Variants in PDE3B observed in about 807,000 individuals in gnomAD.
PDE3B encodes the protein phosphodiesterase 3B.
PDE3B carries 66 observed loss-of-function variants against 116.8 expected under a neutral mutation model. The ratio of observed to expected loss-of-function variants is 0.56; its 90% CI spans 0.46 to 0.69. The LOEUF is 0.69. Ranked by LOEUF, PDE3B falls within the 30% of genes least tolerant of loss-of-function variation. PDE3B has a pLI of 0.00. For missense variants in PDE3B, 1,384 were observed against 1,368.1 expected (o/e 1.01, Z -0.18); for synonymous variants, 595 against 533.6 (o/e 1.12, Z -1.59).
At chr11:14,798,642 C>T (rs1406532806) in intron 4 of PDE3B, among the ~76,000 whole-genome samples, 1 of 152,178 alleles carries the variant, frequency 6.6e-6, no homozygotes, top group Non-Finnish European at 1.5e-5. Flanking sequence ...GATTCGACTT[C>T]TTCCTGGTTT....
At chr11:14,734,744 C>A (rs977244266) in intron 1 of PDE3B, among the ~76,000 whole-genome samples, 1 of 151,982 alleles carries the variant, frequency 6.6e-6, no homozygotes, top group African/African-American at 2.4e-5. Flanking sequence ...ATCTGTATAT[C>A]CTCTGTCTTA....
At chr11:14,783,391 A>G (rs188566488) in intron 2 of PDE3B, among the ~76,000 whole-genome samples, 48 of 152,372 alleles carry the variant, frequency 3.2e-4, no homozygotes, top group Non-Finnish European at 6.6e-4. Context: ...TGGATTAAGA[A>G]AAAGTGGTAC....
the PDE3B span, among the ~76,000 whole-genome samples, chr11:14,898,218 T>C: frequency 6.6e-6 from 1 of 151,956 alleles, no homozygotes; most frequent in Non-Finnish European, 1.5e-5. Context: ...AGCTTTTGTC[T>C]ACGGAAACAC....
rs1853271177 is a variant in PDE3B, at chr11:14,643,953, C to G, written c.-123C>G. 7.5e-7 allele frequency: 1 copy of G among 1,335,038 alleles called. No homozygotes were observed. Among genetic ancestry groups the G allele is most frequent in the Non-Finnish European group, 9.6e-7 (1 of 1,043,010 alleles). 82.7% of individuals were successfully genotyped at this position (1,335,038 alleles called of 1,614,324 possible). ...GGACCCCGGGCCGTGGCGGCCGGCG[C>G]AGCCCTGACGGGTTGCGAACCAGGG... is the stretch of plus-strand genomic sequence containing the variant. On this transcript the variant is annotated 5_prime_UTR_variant, in exon 1 of 16. Transcript: ENST00000282096.
intron 1 of PDE3B, among the ~76,000 whole-genome samples, chr11:14,756,703 A>T (rs1453159665): frequency 6.6e-6 from 1 of 152,168 alleles, no homozygotes; most frequent in Non-Finnish European, 1.5e-5. Context: ...GATTACTTGT[A>T]TGGTAATAGC....
intron 12 of PDE3B, among the ~76,000 whole-genome samples, chr11:14,857,176 G>A (rs1003583173): frequency 1.3e-5 from 2 of 152,156 alleles, no homozygotes; most frequent in African/African-American, 4.8e-5. Flanking sequence ...GTAGAGAGAA[G>A]GATCTATAGC....
intron 1 of PDE3B, among the ~76,000 whole-genome samples, chr11:14,767,377 T>A (rs1183818490): frequency 4.0e-5 from 6 of 151,540 alleles, no homozygotes; most frequent in Admixed American, 4.0e-4. Flanking sequence ...TATCTCTTTG[T>A]GTGGTATTAT....
the PDE3B span, chr11:14,891,458 G>C: frequency 4.1e-6 from 4 of 986,078 alleles, no homozygotes; most frequent in East Asian, 4.5e-4. Context: ...AGTCAGGGGC[G>C]TTCCCCTGCA....
rs1295001284 is a variant in PDE3B at position 14,832,757 on chromosome 11, G to A, written c.2130G>A (p.Leu710=). Residue 710 remains leucine, a synonymous_variant, in exon 10 of 16, where the codon TTG becomes TTA. Coordinates refer to ENST00000282096, the MANE Select transcript of PDE3B (RefSeq NM_000922.4). ...MYTLFQDTGL[L]EIFKIPTQQF... Reference sequence around the variant, plus strand: ...CCTTATTTCAAGACACTGGTTTATTGGAAATATTTAAAATTCCCACTCAAC... The same window carrying A: ...CCTTATTTCAAGACACTGGTTTATTAGAAATATTTAAAATTCCCACTCAAC... The A allele has an allele frequency of 2.0e-6, 3 of 1,498,038 alleles. No individual in the cohort carries two copies. Among genetic ancestry groups the A allele is most frequent in the African/African-American group, 1.4e-5 (1 of 71,414 alleles). 92.8% of individuals were successfully genotyped at this position (1,498,038 alleles called of 1,614,324 possible).
At chr11:14,688,778 G>GT (rs1409600655) in intron 1 of PDE3B, among the ~76,000 whole-genome samples, 4 of 151,904 alleles carry the variant, frequency 2.6e-5, no homozygotes, top group Admixed American at 1.3e-4. Context: ...TGTTGTTGTT[G>GT]TTGTTTGTTT....
In PDE3B at chr11:14,708,324, C is replaced by G. The variant is rs73412640; in HGVS notation, c.978+63271C>G. On this transcript the variant is annotated intron_variant, in intron 1 of 15. Transcript: ENST00000282096. ...CCCTCCCTAGATGCAGATGTCCATT[C>G]TTGAACTTTCCAGTCATCAGAATCA... 5.0e-3 allele frequency among the ~76,000 whole-genome samples: 755 copies of G among 152,166 alleles called. 7 individuals are homozygous for G. The highest frequency in any genetic ancestry group is 0.018 in the African/African-American group (737 of 41,526).
At chr11:14,756,470 G>A (rs950728511) in intron 1 of PDE3B, among the ~76,000 whole-genome samples, 2 of 152,152 alleles carry the variant, frequency 1.3e-5, no homozygotes, top group Non-Finnish European at 2.9e-5. Context: ...GTCAACCCAC[G>A]CTGTCCAGAA....
intron 7 of PDE3B, among the ~76,000 whole-genome samples, chr11:14,823,186 G>A (rs1046430905): frequency 6.6e-6 from 1 of 152,208 alleles, no homozygotes; most frequent in African/African-American, 2.4e-5. Flanking sequence ...TCTGGCTCTA[G>A]GAAGTCCAAG....
At chr11:14,721,540 A>G (rs1856082297) in intron 1 of PDE3B, among the ~76,000 whole-genome samples, 1 of 151,702 alleles carries the variant, frequency 6.6e-6, no homozygotes, top group South Asian at 2.1e-4. Flanking sequence ...TCCAACAATG[A>G]TAGACTGGAT....
intron 7 of PDE3B, among the ~76,000 whole-genome samples, chr11:14,827,917 A>C (rs1859750648): frequency 6.6e-6 from 1 of 152,250 alleles, no homozygotes; most frequent in African/African-American, 2.4e-5. Context: ...TTCAAAGTAT[A>C]CTGCAGAACT....
rs1847903869 is a variant in PDE3B, at chr11:14,859,234, A to C, written c.2712A>C (p.Glu904Asp). 1.2e-6 allele frequency: 2 copies of C among 1,609,704 alleles called. No homozygotes were observed. The highest frequency in any genetic ancestry group is 4.5e-5 in the East Asian group (2 of 44,796). The change falls in exon 13 of 16, where the codon GAA (glutamate) becomes GAC (aspartate). Residue 904 changes from glutamate to aspartate, a missense_variant. Physicochemically the swap from Glu to Asp is conservative, Grantham distance 45. Around this residue, in one of 2 missense-constraint regions of PDE3B, gnomAD observed 428 missense variants for 561.4 expected, o/e 0.76. Coordinates refer to ENST00000282096, the MANE Select transcript of PDE3B (RefSeq NM_000922.4). Reference sequence around the variant, plus strand: ...AAAAGCATTTTGATTTTCTCGCAGAATTCAATGCCAAGGTTTGTTATGAAA... The same window carrying C: ...AAAAGCATTTTGATTTTCTCGCAGACTTCAATGCCAAGGTTTGTTATGAAA... ...DLKKHFDFLA[E>D]FNAKANDVNS...
chr11:14,819,414 A>G (rs1288060499), intron 7 of PDE3B, among the ~76,000 whole-genome samples: 1 of 152,212 alleles, frequency 6.6e-6, no homozygotes, highest in East Asian at 1.9e-4. Context: ...AAAATGTCCC[A>G]TACAAATGAA....
chr11:14,711,224 A>G (rs536761098), intron 1 of PDE3B, among the ~76,000 whole-genome samples: 13 of 152,340 alleles, frequency 8.5e-5, no homozygotes, highest in African/African-American at 2.2e-4. Flanking sequence ...TATAATGGAT[A>G]AAAGGGATAA....
intron 1 of PDE3B, among the ~76,000 whole-genome samples, chr11:14,648,611 A>G (rs994566667): frequency 1.3e-5 from 2 of 152,202 alleles, no homozygotes. Context: ...GTACTCTGCC[A>G]TGAGTATTAT....
Sources: allele counts gnomAD v4.1 joint callset (sites outside exome capture counted in the v4.1 genomes callset), GRCh38; gene constraint gnomAD v4.1.1; regional missense constraint gnomAD v4.1.1; transcripts MANE v1.5; gene names NCBI Gene and HGNC (gene_info 2026-07-23, HGNC 2026-07-21).